The following WDFY4 variants were observed in gnomAD, a reference collection of about 807,000 sequenced individuals.
The protein encoded by WDFY4 is WD repeat- and FYVE domain-containing protein 4.
In WDFY4, 169 loss-of-function variants were observed where a neutral mutation model predicts 351.9. That is an observed-to-expected ratio of 0.48 (90% CI 0.42 to 0.55). The LOEUF is 0.55. Ranked by LOEUF, WDFY4 falls within the 20% of genes least tolerant of loss-of-function variation. The pLI, the probability that WDFY4 is intolerant of heterozygous loss-of-function variation, is 0.00. For synonymous variants in WDFY4, 1,622 were observed against 1,574.6 expected (o/e 1.03, Z -0.71); for missense variants, 3,803 against 3,935.6 (o/e 0.97, Z 0.90).
At chr10:48,977,878 G>T (rs544467180) in intron 59 of WDFY4, among the ~76,000 whole-genome samples, 59 of 152,334 alleles carry the variant, frequency 3.9e-4, no homozygotes, top group African/African-American at 1.4e-3. Flanking sequence ...TGGCCTCAGG[G>T]CTCCCACAGT....
intron 39 of WDFY4, among the ~76,000 whole-genome samples, chr10:48,845,655 C>T (rs190573056): frequency 3.9e-5 from 6 of 152,276 alleles, no homozygotes; most frequent in Admixed American, 3.9e-4. Flanking sequence ...CTGGAGTATC[C>T]TATCCAGTTC....
At chr10:48,910,268 G>A in intron 47 of WDFY4, 1 of 1,613,502 alleles carries the variant, frequency 6.2e-7, no homozygotes, top group Non-Finnish European at 8.5e-7. Context: ...TCTGGGGATG[G>A]AGACACAAGA....
Position 48,712,327 on chromosome 10 carries a change from T to C in WDFY4, c.234+2361T>C, listed in dbSNP as rs573186290. On this transcript the variant is annotated intron_variant, in intron 2 of 61. Coordinates refer to ENST00000325239, the MANE Select transcript of WDFY4 (RefSeq NM_001394531.1). ...TCATGGAAAGTAGACATTATTCCCA[T>C]TACTTTTCCACCAGCCTCCAGTGTA... Among the ~76,000 whole-genome samples the C allele has an allele frequency of 2.0e-5, 3 of 152,328 alleles. No homozygotes were observed. In the East Asian group the frequency reaches 5.8e-4, roughly 29 times the overall value.
At chr10:48,869,849 C>G (rs936917288) in intron 40 of WDFY4, among the ~76,000 whole-genome samples, 1 of 152,182 alleles carries the variant, frequency 6.6e-6, no homozygotes, top group Non-Finnish European at 1.5e-5. Context: ...GTTTTCTTCT[C>G]TTGTTCAGTC....
intron 13 of WDFY4, among the ~76,000 whole-genome samples, chr10:48,769,104 A>G (rs1233980576): frequency 6.6e-6 from 1 of 152,182 alleles, no homozygotes; most frequent in Admixed American, 6.5e-5. Flanking sequence ...TTGGAAAGGA[A>G]ACAGAAAGTT....
chr10:48,777,220 A>G (rs905189579), intron 16 of WDFY4, among the ~76,000 whole-genome samples, 199 bp from the exon 17 acceptor site: 1 of 152,032 alleles, frequency 6.6e-6, no homozygotes, highest in African/African-American at 2.4e-5. Flanking sequence ...ACACCCTCCC[A>G]TCCTGCCTGC....
intron 51 of WDFY4, among the ~76,000 whole-genome samples, chr10:48,952,074 G>A (rs1841352001): frequency 1.3e-5 from 2 of 152,180 alleles, no homozygotes; most frequent in South Asian, 4.1e-4. Flanking sequence ...GGAGAACCGT[G>A]GGGCAGCACT....
chr10:48,871,404 G>A (rs906717541), intron 40 of WDFY4, among the ~76,000 whole-genome samples: 1 of 151,874 alleles, frequency 6.6e-6, no homozygotes, highest in Non-Finnish European at 1.5e-5. Flanking sequence ...TTCATTCTAT[G>A]TGACCAAGTC....
At chr10:48,730,706 T>C (rs541727671) in intron 8 of WDFY4, among the ~76,000 whole-genome samples, 2 of 152,390 alleles carry the variant, frequency 1.3e-5, no homozygotes, top group Admixed American at 6.5e-5. Flanking sequence ...AAATTTTAAC[T>C]TTAAATAAGA....
At chr10:48,973,330 T>G (rs888530736) in intron 57 of WDFY4, among the ~76,000 whole-genome samples, 2 of 151,680 alleles carry the variant, frequency 1.3e-5, no homozygotes, top group East Asian at 3.8e-4. Flanking sequence ...GTTTTCATTT[T>G]CCTAGGATGA....
In WDFY4 at chr10:48,830,766, C is replaced by T. The variant is rs1263468849; in HGVS notation, c.6407C>T (p.Thr2136Ile). The part of the protein sequence containing the change: ...WQQLVAQRQQ[T>I]LEDAFKIDLS... ...CAGCTGGTGGCACAAAGGCAGCAGA[C>T]CCTGGAGGATGCCTTCAAGATCGAT... The change falls in exon 38 of 62, where the codon ACC (threonine) becomes ATC (isoleucine). Residue 2136 changes from threonine to isoleucine, a missense_variant. By Grantham distance (89) the Thr-to-Ile change is moderately conservative. Transcript: ENST00000325239. 1.8e-5 allele frequency: 28 copies of T among 1,551,568 alleles called. No homozygotes were observed. The highest frequency in any genetic ancestry group is 3.3e-4 in the Middle Eastern group (2 of 6,004).
At chr10:48,728,482 G>A (rs1342350818) in intron 7 of WDFY4, among the ~76,000 whole-genome samples, 1 of 152,236 alleles carries the variant, frequency 6.6e-6, no homozygotes, top group Non-Finnish European at 1.5e-5. Context: ...GCTTTGCTGG[G>A]CGAGAATGAG....
At chr10:48,936,268 ATGTTT>A (rs2133719680) in intron 47 of WDFY4, among the ~76,000 whole-genome samples, 1 of 152,270 alleles carries the variant, frequency 6.6e-6, no homozygotes, top group Admixed American at 6.5e-5. Context: ...TTACCATATC[ATGTTT>A]TAAGTCCAAA....
rs114365494 is a variant in WDFY4 at position 48,781,331 on chromosome 10, T to A, written c.3576+1212T>A. 9.5e-3 allele frequency among the ~76,000 whole-genome samples: 1,446 copies of A among 152,148 alleles called. 34 individuals carry two copies. Among genetic ancestry groups the A allele is most frequent in the African/African-American group, 0.031 (1,300 of 41,502 alleles). ...GTTTTTTTGAGATAGGATTTCGCTC[T>A]TGTCGCCCAGGCTGGAGTGCAATGG... On this transcript the variant is annotated intron_variant, in intron 19 of 61. Coordinates refer to ENST00000325239, the MANE Select transcript of WDFY4 (RefSeq NM_001394531.1).
chr10:48,809,587 C>G (rs2067381355), intron 28 of WDFY4, among the ~76,000 whole-genome samples: 1 of 151,978 alleles, frequency 6.6e-6, no homozygotes, highest in African/African-American at 2.4e-5. Context: ...TCACCACCAC[C>G]ATCAACATCA....
intron 47 of WDFY4, among the ~76,000 whole-genome samples, chr10:48,902,288 A>G (rs1837397277): frequency 6.6e-6 from 1 of 152,180 alleles, no homozygotes. Flanking sequence ...TCAGACATTA[A>G]TTTAGGAATC....
intron 2 of WDFY4, among the ~76,000 whole-genome samples, chr10:48,711,725 C>T (rs2063772001): frequency 6.6e-6 from 1 of 152,236 alleles, no homozygotes; most frequent in African/African-American, 2.4e-5. Flanking sequence ...ACACCACCCT[C>T]ATGGTGAGTG....
intron 57 of WDFY4, among the ~76,000 whole-genome samples, chr10:48,974,252 C>A (rs1842453063): frequency 6.6e-6 from 1 of 152,042 alleles, no homozygotes; most frequent in Non-Finnish European, 1.5e-5. Flanking sequence ...CCTGTAAACC[C>A]AGCACTTTGG....
rs1399971589 is a variant in WDFY4 at position 48,859,283 on chromosome 10, TCTTTA to T, written c.6664-7976_6664-7972del. ...TTAATAAAAGCAGTGAAAGTAGACC[TCTTTA>T]CTTTATTCCAATTTTAAAGCGAAAG... is the stretch of plus-strand genomic sequence containing the variant. On this transcript the variant is annotated intron_variant, in intron 39 of 61. Transcript: ENST00000325239. Among the ~76,000 whole-genome samples, 13 of 152,324 alleles carry T rather than the reference TCTTTA, an allele frequency of 8.5e-5. No homozygotes were observed. The South Asian group carries it at 1.7e-3, about 19-fold the overall frequency.
Sources: gnomAD v4.1 joint callset for allele counts (sites outside exome capture counted in the v4.1 genomes callset) on GRCh38, gnomAD v4.1.1 for gene constraint, MANE v1.5 for transcripts, NCBI Gene and HGNC (gene_info 2026-07-23, HGNC 2026-07-21) for gene names.